The following CCNL2 variants were observed in gnomAD, a reference collection of about 807,000 sequenced individuals.
CCNL2 encodes cyclin L2.
CCNL2 carries 28 observed loss-of-function variants against 59.1 expected under a neutral mutation model. That is an observed-to-expected ratio of 0.47 (90% CI 0.35 to 0.65). The LOEUF is 0.65. Ranked by LOEUF, CCNL2 falls within the 30% of genes least tolerant of loss-of-function variation. The pLI is 0.00. For synonymous variants in CCNL2, 342 were observed against 288.6 expected, an observed-to-expected ratio of 1.19 and a Z score of -1.88; for missense variants, 714 against 717.4, an observed-to-expected ratio of 1.00 and a Z score of 0.05.
intron 5 of CCNL2, chr1:1,392,254 C>T: frequency 1.1e-6 from 1 of 883,284 alleles, no homozygotes; most frequent in Non-Finnish European, 1.4e-6. Flanking sequence ...AATCCACGAA[C>T]TTAAAATTCT....
At chr1:1,388,124 A>C (rs1346033426) in intron 8 of CCNL2, 59 bp from the exon 9 acceptor site, 3 of 1,395,646 alleles carry the variant, frequency 2.1e-6, no homozygotes, top group African/African-American at 1.4e-5. Flanking sequence ...ATAAGAAACA[A>C]GTTCGTAGAG....
chr1:1,393,585 G>T, intron 4 of CCNL2, 125 bp from the exon 5 acceptor site: 1 of 810,326 alleles, frequency 1.2e-6, no homozygotes, highest in Non-Finnish European at 2.1e-6. Flanking sequence ...CTGGCCACAC[G>T]TCTGGCGGAC....
chr1:1,393,003 C>G (rs1286412130), intron 5 of CCNL2: 2 of 633,596 alleles, frequency 3.2e-6, no homozygotes, highest in East Asian at 2.7e-5. Flanking sequence ...TTGCTAAAAT[C>G]GGCCCCAGAA....
At chr1:1,391,134 A>G in intron 5 of CCNL2, 1 of 1,235,622 alleles carries the variant, frequency 8.1e-7, no homozygotes, top group Middle Eastern at 3.2e-4. Flanking sequence ...ACGTGTTGCT[A>G]TGAAAGAGAA....
Position 1,387,187 on chromosome 1 carries a change from T to A in CCNL2, c.*44A>T, listed in dbSNP as rs967275822. 2 of 1,520,070 alleles carry A rather than the reference T, an allele frequency of 1.3e-6. No homozygotes were observed. Among genetic ancestry groups the A allele is most frequent in the Admixed American group, 1.7e-5 (1 of 57,174 alleles). The allele number at this position is 1,520,070 out of a possible 1,614,324, so 94.2% of individuals were successfully genotyped here. On this transcript the variant is annotated 3_prime_UTR_variant, in exon 11 of 11. Transcript: ENST00000400809. ...GGGTCAAAGGGCAGCCATCAGGTAC[T>A]CCCCAGGGAAGGGCTTGCGGCCACC... is the stretch of plus-strand genomic sequence containing the variant.
intron 8 of CCNL2, 166 bp from the exon 9 acceptor site, chr1:1,388,231 A>C (rs1644565983): frequency 6.5e-6 from 4 of 613,396 alleles, no homozygotes; most frequent in East Asian, 2.8e-5. Context: ...CATCACAGAA[A>C]TGCAGATGGG....
In CCNL2 at chr1:1,387,164, G is replaced by T; in HGVS notation, c.*67C>A. 1 of 1,362,696 alleles carries T rather than the reference G, an allele frequency of 7.3e-7. No individual in the cohort carries two copies. Among genetic ancestry groups the T allele is most frequent in the African/African-American group, 1.4e-5 (1 of 70,240 alleles). The allele number at this position is 1,362,696 out of a possible 1,614,324, so 84.4% of individuals were successfully genotyped here. ...GGGGGTCAAAGGGCAGCCACCGGGG[G>T]TCAAAGGGCAGCCATCAGGTACTCC... On this transcript the variant is annotated 3_prime_UTR_variant, in exon 11 of 11. Coordinates refer to ENST00000400809, the MANE Select transcript of CCNL2 (RefSeq NM_030937.6).
In CCNL2 at chr1:1,395,575, CCGT is replaced by C. The variant is rs766514927; in HGVS notation, c.474-64_474-62del. ...CAAGCAGAGCAAGGCTTCTGAGATC[CCGT>C]CGTTACCTCCAACTATGAGCACCTA... is the stretch of plus-strand genomic sequence containing the variant. On this transcript the variant is annotated intron_variant, in intron 3 of 10. Coordinates refer to ENST00000400809, the MANE Select transcript of CCNL2 (RefSeq NM_030937.6). The C allele has an allele frequency of 1.2e-5, 20 of 1,600,418 alleles. No homozygotes were observed. The African/African-American group carries it at 2.3e-4, about 18-fold the overall frequency.
chr1:1,391,492 G>T, intron 5 of CCNL2: 1 of 1,293,632 alleles, frequency 7.7e-7, no homozygotes, highest in Non-Finnish European at 1.0e-6. Flanking sequence ...GGAGCATCGT[G>T]CGGAGGGAGA....
intron 5 of CCNL2, 27 bp downstream of exon 5, chr1:1,393,369 C>T (rs372114439): frequency 1.9e-6 from 3 of 1,604,856 alleles, no homozygotes; most frequent in Non-Finnish European, 2.6e-6. Context: ...CCTTGCTGGT[C>T]TCATAAAACA....
chr1:1,397,563 A>G (rs1314701187), intron 3 of CCNL2, among the ~76,000 whole-genome samples: 1 of 152,160 alleles, frequency 6.6e-6, no homozygotes, highest in East Asian at 1.9e-4. Context: ...AGAATCCCCT[A>G]CAACTAAAGA....
In CCNL2 at chr1:1,398,258, G is replaced by C; in HGVS notation, c.448C>G (p.Arg150Gly). Residue 150 changes from arginine to glycine, a missense_variant, in exon 3 of 11, where the codon CGC becomes GGC. Physicochemically the swap from Arg to Gly is moderately radical, Grantham distance 125. Transcript: ENST00000400809. ...RIRDVINVFH[R>G]LRQLRDKKKP... The stretch of plus-strand genomic sequence containing the variant: ...TTTTTGTCTCTCAGCTGTCGAAGGC[G>C]GTGAAACACATTGATGACGTCCCGT... 16 of 1,614,214 alleles carry C rather than the reference G, an allele frequency of 9.9e-6. No homozygotes were observed. Among genetic ancestry groups the C allele is most frequent in the Non-Finnish European group, 1.2e-5 (14 of 1,180,036 alleles).
At chr1:1,390,158 G>T in intron 8 of CCNL2, 72 bp downstream of exon 8, 4 of 1,338,162 alleles carry the variant, frequency 3.0e-6, no homozygotes, top group African/African-American at 3.0e-5. Context: ...ACATACCCCA[G>T]AATGGAGGCG....
chr1:1,391,507 G>T, intron 5 of CCNL2: 2 of 1,300,486 alleles, frequency 1.5e-6, no homozygotes, highest in Non-Finnish European at 2.0e-6. Flanking sequence ...GGGAGACTCC[G>T]CACCCAAGGG....
In CCNL2 at chr1:1,387,878, A is replaced by G. The variant is rs774673746; in HGVS notation, c.1119-9T>C. On this transcript the variant is annotated splice_polypyrimidine_tract_variant and intron_variant, in intron 9 of 10. Coordinates refer to ENST00000400809, the MANE Select transcript of CCNL2 (RefSeq NM_030937.6). ...CTCGCCCCTTTGGCAAGCTGTGAAC[A>G]GGACAGGAGCCAGTTACAAAGCAGA... is the stretch of plus-strand genomic sequence containing the variant. 2.5e-6 allele frequency: 4 copies of G among 1,613,890 alleles called. No homozygotes were observed. Among genetic ancestry groups the G allele is most frequent in the Admixed American group, 3.3e-5 (2 of 60,022 alleles).
intron 4 of CCNL2, among the ~76,000 whole-genome samples, chr1:1,394,040 C>T (rs1029776433): frequency 4.9e-4 from 74 of 151,636 alleles, no homozygotes; most frequent in Admixed American, 3.5e-3. Context: ...GCAGGAGAAT[C>T]GCTTGAAACC....
At chr1:1,396,485 C>T (rs1009312990) in intron 3 of CCNL2, among the ~76,000 whole-genome samples, 3 of 150,968 alleles carry the variant, frequency 2.0e-5, no homozygotes, top group Admixed American at 6.6e-5. Flanking sequence ...AGGCTGGTCT[C>T]GAACTCCCGA....
At chr1:1,387,672 C>A in intron 10 of CCNL2, 90 bp from the exon 11 acceptor site, 1 of 1,414,266 alleles carries the variant, frequency 7.1e-7, no homozygotes, top group South Asian at 1.3e-5. Flanking sequence ...GACACACAAG[C>A]TCCAGGTTTA....
rs1270648169 is a variant in CCNL2 at position 1,387,464 on chromosome 1, G to A, written c.1330C>T (p.Arg444Trp). The change falls in exon 11 of 11, where the codon CGG (arginine) becomes TGG (tryptophan). Residue 444 changes from arginine (R) to tryptophan (W), a missense_variant. Arg to Trp is a moderately radical substitution (Grantham distance 101). Coordinates refer to ENST00000400809, the MANE Select transcript of CCNL2 (RefSeq NM_030937.6). ...RSAPYKGSEI[R>W]GSRKSKDCKY... ...CAGTCCTTGGACTTCCGGGAGCCCC[G>A]AATCTCAGAGCCTTTGTAGGGAGCG... is the stretch of plus-strand genomic sequence containing the variant. 1.9e-6 allele frequency: 3 copies of A among 1,612,628 alleles called. No individual in the cohort carries two copies. Among genetic ancestry groups the A allele is most frequent in the African/African-American group, 2.7e-5 (2 of 74,724 alleles).
Sources: gnomAD v4.1 joint callset for allele counts (sites outside exome capture counted in the v4.1 genomes callset) on GRCh38, gnomAD v4.1.1 for gene constraint, MANE v1.5 for transcripts, NCBI Gene and HGNC (gene_info 2026-07-23, HGNC 2026-07-21) for gene names.